The following BCL6 variants were observed in gnomAD, a reference collection of about 807,000 sequenced individuals.
The protein encoded by BCL6 is B-cell lymphoma 6 protein.
A neutral mutation model predicts 59.5 loss-of-function variants in BCL6; 7 were observed. That is an observed-to-expected ratio of 0.12 (90% CI 0.07 to 0.22). BCL6 has a LOEUF of 0.22. Among genes scored for constraint, BCL6 ranks in the 10% least tolerant of loss-of-function variants. BCL6 has a pLI of 1.00. For synonymous variants in BCL6, 339 were observed against 349.7 expected, an observed-to-expected ratio of 0.97 and a Z score of 0.34; for missense variants, 685 against 939.4, an observed-to-expected ratio of 0.73 and a Z score of 3.54.
intron 2 of BCL6, chr3:187,734,460 T>C (rs544099143): frequency 2.0e-5 from 3 of 152,392 alleles, no homozygotes; most frequent in Non-Finnish European, 4.4e-5. Flanking sequence ...GTAATACCTA[T>C]GTGGTTATAA....
chr3:187,728,364 G>T lies in BCL6; in HGVS notation c.1536C>A (p.Ser512Arg). Residue 512 changes from serine to arginine, a missense_variant, in exon 6 of 10, where the codon AGC (serine) becomes AGA (arginine). Ser to Arg is a moderately radical substitution (Grantham distance 110). Transcript: ENST00000406870. Reference sequence around the variant, plus strand: ...GAGGGAGGGAAAAGGACTCACCACAGCTAGAATCTGAGTACTCAGACTGGG... The same window carrying T: ...GAGGGAGGGAAAAGGACTCACCACATCTAGAATCTGAGTACTCAGACTGGG... ...GETQSEYSDS[S>R]CENGAFFCNE... 6.3e-7 allele frequency: 1 copy of T among 1,588,740 alleles called. No individual in the cohort carries two copies.
In BCL6 at chr3:187,725,145, T is replaced by C. The variant is rs1033906613; in HGVS notation, c.1840-67A>G. ...TGCAGGCCTCTGGGCAGCCCCTCAT[T>C]AGCACACAGCCAGTGAGTGGGCCTT... On this transcript the variant is annotated intron_variant, in intron 8 of 9. Coordinates refer to ENST00000406870, the MANE Select transcript of BCL6 (RefSeq NM_001706.5). The surrounding 1 kb of genome is among the most constrained non-coding windows in gnomAD (Gnocchi z 4.7). The C allele has an allele frequency of 6.2e-7, 1 of 1,600,166 alleles. No homozygotes were observed. Among genetic ancestry groups the C allele is most frequent in the African/African-American group, 1.3e-5 (1 of 74,600 alleles).
Position 187,729,749 on chromosome 3 carries a change from G to C in BCL6, c.656C>G (p.Pro219Arg). ...SDEEFRDVRM[P>R]VANPFPKERA... ...CTCCTTGGGGAAGGGGTTGGCCACA[G>C]GCATCCGGACATCCCGAAACTCCTC... is the stretch of plus-strand genomic sequence containing the variant. Residue 219 changes from proline to arginine, a missense_variant, in exon 5 of 10, where the codon CCT becomes CGT. By Grantham distance (103) the Pro-to-Arg change is moderately radical. Around this residue, in one of 7 missense-constraint regions of BCL6, gnomAD observed 268 missense variants for 263.8 expected, o/e 1.02. Coordinates refer to ENST00000406870, the MANE Select transcript of BCL6 (RefSeq NM_001706.5). This position sits in a 1 kb window ranked among gnomAD's most constrained non-coding sequence, Gnocchi z 5.6. The C allele has an allele frequency of 1.2e-6, 2 of 1,614,200 alleles. No homozygotes were observed. Among genetic ancestry groups the C allele is most frequent in the Non-Finnish European group, 1.7e-6 (2 of 1,180,038 alleles).
chr3:187,744,657 T>A (rs569509251), intron 1 of BCL6, among the ~76,000 whole-genome samples: 2 of 152,114 alleles, frequency 1.3e-5, no homozygotes, highest in South Asian at 2.1e-4. Context: ...GCAGGGAATC[T>A]AAAAGACCGA....
At chr3:187,745,187 C>T (rs575714266) in intron 1 of BCL6, among the ~76,000 whole-genome samples, 1 of 152,204 alleles carries the variant, frequency 6.6e-6, no homozygotes, top group Non-Finnish European at 1.5e-5. Context: ...TAATCTTCGG[C>T]ATTTATTTTA....
intron 3 of BCL6, 62 bp downstream of exon 3, chr3:187,733,471 C>A: frequency 6.3e-7 from 1 of 1,577,586 alleles, no homozygotes; most frequent in Non-Finnish European, 8.7e-7. Context: ...TTCTGCCTTG[C>A]TTGGCTGCCA....
intron 6 of BCL6, among the ~76,000 whole-genome samples, chr3:187,727,226 T>C (rs1188693718): frequency 1.3e-5 from 2 of 152,232 alleles, no homozygotes; most frequent in Non-Finnish European, 2.9e-5. Flanking sequence ...GCTCTGAGAA[T>C]TGATTTTTAA....
chr3:187,733,109 T>A lies in BCL6; in HGVS notation c.161+424A>T, dbSNP rs138537350. On this transcript the variant is annotated intron_variant, in intron 3 of 9. Transcript: ENST00000406870. ...CTCTTGCATATACTCTGAACACCCA[T>A]GGAAATTCAGTTGTAGCAAAAAATA... Among the ~76,000 whole-genome samples, 12 of 152,332 alleles carry A rather than the reference T, an allele frequency of 7.9e-5. No individual in the cohort carries two copies. The East Asian group carries it at 2.3e-3, about 29-fold the overall frequency.
intron 1 of BCL6, among the ~76,000 whole-genome samples, chr3:187,745,155 T>C (rs575776096): frequency 1.3e-5 from 2 of 152,134 alleles, no homozygotes; most frequent in South Asian, 2.1e-4. Flanking sequence ...ATCTATATCC[T>C]ATGGTGGGAG....
chr3:187,744,166 T>C (rs996543735), intron 1 of BCL6, among the ~76,000 whole-genome samples: 18 of 152,262 alleles, frequency 1.2e-4, no homozygotes, highest in African/African-American at 3.4e-4. Context: ...GCAACAGCCA[T>C]TGGGAGCCAA....
At chr3:187,744,462 G>A (rs181261290) in intron 1 of BCL6, among the ~76,000 whole-genome samples, 1 of 152,092 alleles carries the variant, frequency 6.6e-6, no homozygotes, top group Admixed American at 6.5e-5. Context: ...CCGCCCCCAA[G>A]CTCCCCAAAA....
Position 187,721,746 on chromosome 3 carries a change from T to C in BCL6, c.*712A>G, listed in dbSNP as rs1407496285. The stretch of plus-strand genomic sequence containing the variant: ...TTTTTAATACACACTTTGTAAATTG[T>C]AAACCTTCACTTGCAAAAAAATACA... On this transcript the variant is annotated 3_prime_UTR_variant, in exon 10 of 10. Coordinates refer to ENST00000406870, the MANE Select transcript of BCL6 (RefSeq NM_001706.5). This position sits in a 1 kb window ranked among gnomAD's most constrained non-coding sequence, Gnocchi z 4.2. 1 of 231,532 alleles carries C rather than the reference T, an allele frequency of 4.3e-6. No individual in the cohort carries two copies. The highest frequency in any genetic ancestry group is 8.6e-6 in the Non-Finnish European group (1 of 116,882). The allele number at this position is 231,532 out of a possible 1,614,324, so 14.3% of individuals were successfully genotyped here. A position where few individuals can be genotyped will look rare whatever the true frequency, so the allele number is the denominator to read the frequency against.
intron 4 of BCL6, among the ~76,000 whole-genome samples, chr3:187,730,331 G>A (rs1320119374): frequency 1.3e-5 from 2 of 152,126 alleles, no homozygotes; most frequent in Non-Finnish European, 2.9e-5. Flanking sequence ...CTCTTCTGAT[G>A]TTATGAAATT....
rs2108557886 is a variant in BCL6 at position 187,725,660 on chromosome 3, C to A, written c.1709-31G>T. 1 of 1,613,584 alleles carries A rather than the reference C, an allele frequency of 6.2e-7. No individual in the cohort carries two copies. The highest frequency in any genetic ancestry group is 8.5e-7 in the Non-Finnish European group (1 of 1,179,754). Reference sequence around the variant, plus strand: ...ACCAAGAAAAAGGGAAAAAGAAAAGCCATATTCAATAAGGAAGGTCTCTGC... The same window carrying A: ...ACCAAGAAAAAGGGAAAAAGAAAAGACATATTCAATAAGGAAGGTCTCTGC... On this transcript the variant is annotated intron_variant, in intron 7 of 9. Transcript: ENST00000406870. This position sits in a 1 kb window ranked among gnomAD's most constrained non-coding sequence, Gnocchi z 4.7.
Position 187,731,734 on chromosome 3 carries a change from T to C in BCL6, c.358A>G (p.Thr120Ala). The part of the protein sequence containing the change: ...MYLQMEHVVD[T>A]CRKFIKASEA... ...CTGGCCTTAATAAACTTCCGGCAAG[T>C]GTCCACAACATGCTCCATCTGCAGG... The change falls in exon 4 of 10, where the codon ACT (threonine) becomes GCT (alanine). Residue 120 changes from threonine to alanine, a missense_variant. Transcript: ENST00000406870. 6.2e-7 allele frequency: 1 copy of C among 1,614,174 alleles called. No individual in the cohort carries two copies. Among genetic ancestry groups the C allele is most frequent in the East Asian group, 2.2e-5 (1 of 44,878 alleles).
In BCL6 at chr3:187,737,389, GAGAGA is replaced by G. The variant is rs1719339582; in HGVS notation, c.-49-2487_-49-2483del. On this transcript the variant is annotated intron_variant, in intron 1 of 9. Transcript: ENST00000406870. ...AGAGAGAGAGAGAGAGAGAGAGAGA[GAGAGA>G]GAAAATGAGAGAAGAGGGAGAGGCG... The G allele has an allele frequency of 4.9e-5, 7 of 142,178 alleles. No individual in the cohort carries two copies. In the Admixed American group the frequency reaches 5.0e-4, roughly 10 times the overall value. 8.8% of individuals were successfully genotyped at this position (142,178 alleles called of 1,614,324 possible). A position where few individuals can be genotyped will look rare whatever the true frequency, so the allele number is the denominator to read the frequency against.
Position 187,725,334 on chromosome 3 carries a change from C to T in BCL6, c.1839+165G>A, listed in dbSNP as rs369569342. ...CCTGCCCGCTCTGCTCACCTGCACACGGGGACTGAGTGGGACTTTCTCCTG... is the reference window on the plus strand; with the variant it reads ...CCTGCCCGCTCTGCTCACCTGCACATGGGGACTGAGTGGGACTTTCTCCTG... On this transcript the variant is annotated intron_variant, in intron 8 of 9. Transcript: ENST00000406870. This position sits in a 1 kb window ranked among gnomAD's most constrained non-coding sequence, Gnocchi z 4.7. 2.6e-5 allele frequency among the ~76,000 whole-genome samples: 4 copies of T among 151,258 alleles called. No individual in the cohort carries two copies. Among genetic ancestry groups the T allele is most frequent in the African/African-American group, 4.9e-5 (2 of 41,082 alleles).
At chr3:187,744,848 A>C (rs1432545347) in intron 1 of BCL6, among the ~76,000 whole-genome samples, 1 of 152,234 alleles carries the variant, frequency 6.6e-6, no homozygotes, top group Non-Finnish European at 1.5e-5. Flanking sequence ...AAAGAGGGAA[A>C]AAACACAGCC....
intron 9 of BCL6, among the ~76,000 whole-genome samples, chr3:187,723,875 T>A (rs978414569): frequency 3.3e-5 from 5 of 152,252 alleles, no homozygotes; most frequent in African/African-American, 1.2e-4. Flanking sequence ...TGATAGCAGA[T>A]ATTTATTTTA....
Sources: allele counts gnomAD v4.1 joint callset (sites outside exome capture counted in the v4.1 genomes callset), GRCh38; gene constraint gnomAD v4.1.1; regional missense constraint gnomAD v4.1.1; non-coding constraint Gnocchi (gnomAD v3.1); transcripts MANE v1.5; gene names NCBI Gene and HGNC (gene_info 2026-07-23, HGNC 2026-07-21).